PCDHGA5: variants seen among roughly 807,000 people sequenced by gnomAD.
The protein encoded by PCDHGA5 is protocadherin gamma-A5.
PCDHGA5 carries 36 observed loss-of-function variants against 56.7 expected under a neutral mutation model. That is an observed-to-expected ratio of 0.64 (90% confidence interval 0.49 to 0.84). PCDHGA5 has a LOEUF of 0.84. PCDHGA5 is among the 40% of genes least tolerant of loss of function. The probability of loss-of-function intolerance (pLI) is 0.00; values close to 1 mark genes in which losing one functional copy is unlikely to be tolerated. For synonymous variants in PCDHGA5, 563 were observed against 520.2 expected (o/e 1.08, Z -1.12); for missense variants, 1,305 against 1,201.5 (o/e 1.09, Z -1.27).
At chr5:141,446,093 GA>G (rs1217618203) in intron 1 of PCDHGA5, among the ~76,000 whole-genome samples, 1 of 152,118 alleles carries the variant, frequency 6.6e-6, no homozygotes, top group Admixed American at 6.5e-5. Flanking sequence ...ATAAATGGAT[GA>G]ATTATAGATA....
At position 141,491,117 on chromosome 5, in the gene PCDHGA5, G is replaced by A; in HGVS notation, c.2422-3690G>A. ...CTGTTCCTCGTGTCTACACACACTGGTGAGGTGCGCACAGCCCGGGCCTTA... is the reference window on the plus strand; with the variant it reads ...CTGTTCCTCGTGTCTACACACACTGATGAGGTGCGCACAGCCCGGGCCTTA... On this transcript the variant is annotated intron_variant, in intron 1 of 3. Coordinates refer to ENST00000518069, the MANE Select transcript of PCDHGA5 (RefSeq NM_018918.3). The surrounding 1 kb of genome is among the most constrained non-coding windows in gnomAD (Gnocchi z 6.9). 1 of 1,614,196 alleles carries A rather than the reference G, an allele frequency of 6.2e-7. No homozygotes were observed.
intron 1 of PCDHGA5, chr5:141,375,334 G>C (rs1417595608): frequency 1.9e-6 from 3 of 1,613,802 alleles, no homozygotes; most frequent in East Asian, 2.2e-5. Context: ...AGGTATTCTT[G>C]TACAACATCA....
In PCDHGA5 at chr5:141,475,307, T is replaced by C. The variant is rs527879991; in HGVS notation, c.2422-19500T>C. The stretch of plus-strand genomic sequence containing the variant: ...GGTAGGGAAATTTCTTATTGCTCCC[T>C]GGTTCTTAAGAAATGAGAGCTAACA... On this transcript the variant is annotated intron_variant, in intron 1 of 3. Transcript: ENST00000518069. 2.8e-4 allele frequency among the ~76,000 whole-genome samples: 43 copies of C among 152,348 alleles called. 1 individual carries two copies. Among genetic ancestry groups the C allele is most frequent in the Admixed American group, 8.5e-4 (13 of 15,298 alleles).
At chr5:141,371,024 G>C (rs1588679786) in intron 1 of PCDHGA5, 1 of 1,613,886 alleles carries the variant, frequency 6.2e-7, no homozygotes, top group African/African-American at 1.3e-5. Context: ...ATCACCACCT[G>C]GTCCTCACAG....
chr5:141,430,657 A>G (rs2097300740), intron 1 of PCDHGA5: 1 of 1,093,240 alleles, frequency 9.1e-7, no homozygotes, highest in African/African-American at 1.6e-5. Flanking sequence ...GAAACAACGG[A>G]GGAGCTCTGA....
At chr5:141,372,684 G>T in intron 1 of PCDHGA5, 10 of 1,613,968 alleles carry the variant, frequency 6.2e-6, no homozygotes, top group Non-Finnish European at 8.5e-6. Context: ...CTCAAACACC[G>T]AGTTTAAATT....
chr5:141,485,060 G>C lies in PCDHGA5; in HGVS notation c.2422-9747G>C. ...ACCCTTGCGGCGCCGGCCGAACCGCGCCAGAGCTGGCGCGGGGAAAGGGAG... is the reference window on the plus strand; with the variant it reads ...ACCCTTGCGGCGCCGGCCGAACCGCCCCAGAGCTGGCGCGGGGAAAGGGAG... On this transcript the variant is annotated intron_variant, in intron 1 of 3. Transcript: ENST00000518069. This position sits in a 1 kb window ranked among gnomAD's most constrained non-coding sequence, Gnocchi z 5.7. 1 of 862,304 alleles carries C rather than the reference G, an allele frequency of 1.2e-6. No individual in the cohort carries two copies. The highest frequency in any genetic ancestry group is 1.9e-6 in the Non-Finnish European group (1 of 540,422). 53.4% of individuals were successfully genotyped at this position (862,304 alleles called of 1,614,324 possible).
chr5:141,501,311 AC>A (rs2099807696), intron 2 of PCDHGA5, among the ~76,000 whole-genome samples: 1 of 151,670 alleles, frequency 6.6e-6, no homozygotes, highest in Non-Finnish European at 1.5e-5. Context: ...ACACACACAC[AC>A]ACACACACAC....
At chr5:141,479,312 A>G (rs1218187495) in intron 1 of PCDHGA5, 5 of 152,526 alleles carry the variant, frequency 3.3e-5, no homozygotes, top group African/African-American at 9.6e-5. Context: ...GAAAACATAA[A>G]GTAGCCAGAC....
In PCDHGA5 at chr5:141,485,778, G is replaced by A. The variant is rs575586552; in HGVS notation, c.2422-9029G>A. On this transcript the variant is annotated intron_variant, in intron 1 of 3. Coordinates refer to ENST00000518069, the MANE Select transcript of PCDHGA5 (RefSeq NM_018918.3). The surrounding 1 kb of genome is among the most constrained non-coding windows in gnomAD (Gnocchi z 5.7). ...CTGCTCCTGGAGAAGCCTTTGGATC[G>A]AGAGAAGCAATCGGACTACCGCCTG... is the stretch of plus-strand genomic sequence containing the variant. The A allele has an allele frequency of 1.2e-6, 2 of 1,614,216 alleles. No individual in the cohort carries two copies. Among genetic ancestry groups the A allele is most frequent in the Admixed American group, 1.7e-5 (1 of 60,028 alleles).
chr5:141,449,708 AT>A (rs2098652573), intron 1 of PCDHGA5, among the ~76,000 whole-genome samples: 1 of 151,520 alleles, frequency 6.6e-6, no homozygotes. Context: ...CAAACACATT[AT>A]TTTTATATGA....
At chr5:141,401,734 G>T (rs2094188545) in intron 1 of PCDHGA5, among the ~76,000 whole-genome samples, 1 of 152,166 alleles carries the variant, frequency 6.6e-6, no homozygotes, top group Non-Finnish European at 1.5e-5. Context: ...CTAGTCTTGT[G>T]TACATACAAA....
intron 1 of PCDHGA5, chr5:141,407,957 G>A: frequency 1.5e-6 from 1 of 660,494 alleles, no homozygotes; most frequent in Non-Finnish European, 2.4e-6. Flanking sequence ...GGCCAGTGCA[G>A]AGCAAGCGCT....
At chr5:141,483,854 T>C (rs2154580004) in intron 1 of PCDHGA5, among the ~76,000 whole-genome samples, 1 of 152,236 alleles carries the variant, frequency 6.6e-6, no homozygotes, top group South Asian at 2.1e-4. Flanking sequence ...ATTAAGAAAT[T>C]TCATGTCCAG....
intron 1 of PCDHGA5, among the ~76,000 whole-genome samples, chr5:141,453,076 G>A (rs2098755408): frequency 1.3e-5 from 2 of 151,984 alleles, no homozygotes; most frequent in Admixed American, 6.6e-5. Flanking sequence ...CCACACTCTG[G>A]TTGATTAGTA....
rs1234948467 is a variant in PCDHGA5 at position 141,365,600 on chromosome 5, G to A, written c.1270G>A (p.Val424Ile). 6.2e-7 allele frequency: 1 copy of A among 1,613,374 alleles called. No individual in the cohort carries two copies. The highest frequency in any genetic ancestry group is 2.2e-5 in the East Asian group (1 of 44,886). ...TTCAGATTATAATATCACTTTAACC[G>A]TCATGGACCATGGAACCCCGCCCCT... is the stretch of plus-strand genomic sequence containing the variant. ...ETSDYNITLT[V>I]MDHGTPPLST... Residue 424 changes from valine (V) to isoleucine (I), a missense_variant, in exon 1 of 4, where the codon GTC becomes ATC. Transcript: ENST00000518069.
At chr5:141,375,275 G>A in intron 1 of PCDHGA5, 1 of 1,613,902 alleles carries the variant, frequency 6.2e-7, no homozygotes. Context: ...GGAAAAATCA[G>A]TTGGCAATTA....
At chr5:141,408,211 G>C in intron 1 of PCDHGA5, 1 of 1,554,426 alleles carries the variant, frequency 6.4e-7, no homozygotes, top group Non-Finnish European at 8.7e-7. Context: ...CGATGGGAGG[G>C]AGCTGCGCGC....
At chr5:141,383,193 G>C (rs911488617) in intron 1 of PCDHGA5, 1 of 1,614,066 alleles carries the variant, frequency 6.2e-7, no homozygotes, top group Non-Finnish European at 8.5e-7. Context: ...TCTGCGCTCA[G>C]AGTGCGCGGT....
Sources: allele counts gnomAD v4.1 joint callset (sites outside exome capture counted in the v4.1 genomes callset), GRCh38; gene constraint gnomAD v4.1.1; non-coding constraint Gnocchi (gnomAD v3.1); transcripts MANE v1.5; gene names NCBI Gene and HGNC (gene_info 2026-07-23, HGNC 2026-07-21).